FHIT: variants seen among roughly 807,000 people sequenced by gnomAD.
The protein encoded by FHIT is bis(5'-adenosyl)-triphosphatase.
Under a neutral mutation model 17.9 loss-of-function variants are expected in FHIT, and 19 were observed. The observed-to-expected ratio is 1.06, with a 90% CI of 0.74 to 1.56. FHIT has a LOEUF of 1.56. Ranked by LOEUF, FHIT falls within the 40% of genes most tolerant of loss-of-function variation. The probability of loss-of-function intolerance (pLI) is 0.00; values close to 1 mark genes in which losing one functional copy is unlikely to be tolerated. For synonymous variants in FHIT, 81 were observed against 69.7 expected (o/e 1.16, Z -0.81); for missense variants, 248 against 189.2 (o/e 1.31, Z -1.82).
chr3:60,592,851 C>T (rs941945341), intron 4 of FHIT, among the ~76,000 whole-genome samples: 31 of 152,066 alleles, frequency 2.0e-4, no homozygotes, highest in Admixed American at 1.6e-3. Context: ...GTAGAGCCTC[C>T]GTGAGATCTT....
intron 8 of FHIT, among the ~76,000 whole-genome samples, chr3:59,789,558 A>T (rs1320335805): frequency 1.3e-5 from 2 of 152,188 alleles, no homozygotes; most frequent in African/African-American, 4.8e-5. Flanking sequence ...ATTCTAATAG[A>T]ATTGAAATGG....
At chr3:60,359,225 A>C (rs1001523201) in intron 5 of FHIT, among the ~76,000 whole-genome samples, 3 of 152,120 alleles carry the variant, frequency 2.0e-5, no homozygotes, top group African/African-American at 7.2e-5. Flanking sequence ...TTGGATACAA[A>C]ACTGAGAAAA....
intron 8 of FHIT, among the ~76,000 whole-genome samples, chr3:59,829,920 C>T (rs1181445998): frequency 1.3e-5 from 2 of 151,826 alleles, no homozygotes; most frequent in South Asian, 2.1e-4. Flanking sequence ...GACCCCATAT[C>T]TACAAAAATA....
chr3:60,000,215 T>G (rs1363821235), intron 7 of FHIT, among the ~76,000 whole-genome samples: 3 of 152,304 alleles, frequency 2.0e-5, no homozygotes, highest in African/African-American at 7.2e-5. Flanking sequence ...AAGGGAATCC[T>G]ACACTCTAAA....
At chr3:60,155,233 T>G (rs1700630524) in intron 5 of FHIT, among the ~76,000 whole-genome samples, 1 of 151,654 alleles carries the variant, frequency 6.6e-6, no homozygotes. Context: ...GCATAAAGTG[T>G]GAAACAGAAA....
At chr3:59,923,581 T>C (rs530749979) in intron 7 of FHIT, among the ~76,000 whole-genome samples, 8 of 152,296 alleles carry the variant, frequency 5.3e-5, no homozygotes, top group South Asian at 4.1e-4. Context: ...TAGCCTCTAT[T>C]GTACCTCGGC....
At chr3:60,788,106 A>C (rs2142295) in intron 4 of FHIT, among the ~76,000 whole-genome samples, 8,463 of 152,294 alleles carry the variant, frequency 0.056, 251 homozygotes, top group African/African-American at 0.082. Flanking sequence ...TAAACATTTA[A>C]AAAGTTTACA....
At chr3:59,927,463 TAAA>T (rs58083993) in intron 7 of FHIT, among the ~76,000 whole-genome samples, 1 of 130,262 alleles carries the variant, frequency 7.7e-6, no homozygotes, top group Admixed American at 7.4e-5. Flanking sequence ...AGCTATTACT[TAAA>T]AAAAAAAAAA....
intron 4 of FHIT, among the ~76,000 whole-genome samples, chr3:60,811,872 T>A (rs1354451596): frequency 1.3e-5 from 2 of 152,200 alleles, no homozygotes; most frequent in Admixed American, 6.5e-5. Flanking sequence ...GAGAATATTT[T>A]CAAAATCAGC....
chr3:60,136,820 C>G (rs574298253), intron 5 of FHIT, among the ~76,000 whole-genome samples: 1 of 152,168 alleles, frequency 6.6e-6, no homozygotes, highest in African/African-American at 2.4e-5. Flanking sequence ...AAAGGAGTAT[C>G]TTTTTCTATT....
At chr3:61,219,810 T>C (rs943971189) in intron 1 of FHIT, among the ~76,000 whole-genome samples, 5 of 152,194 alleles carry the variant, frequency 3.3e-5, no homozygotes, top group Admixed American at 6.5e-5. Flanking sequence ...CTCAAGCCTC[T>C]CAATCCATGG....
intron 7 of FHIT, among the ~76,000 whole-genome samples, chr3:59,983,566 A>T (rs13070067): frequency 6.6e-6 from 1 of 152,140 alleles, no homozygotes; most frequent in Admixed American, 6.6e-5. Flanking sequence ...ATAGGAAAAA[A>T]CAGTACAAAC....
intron 5 of FHIT, among the ~76,000 whole-genome samples, chr3:60,084,792 T>G (rs1172505009): frequency 6.6e-6 from 1 of 152,194 alleles, no homozygotes; most frequent in Non-Finnish European, 1.5e-5. Flanking sequence ...GAAATTGAAA[T>G]TCAATGAAAC....
chr3:60,691,498 T>C (rs139307648), intron 4 of FHIT, among the ~76,000 whole-genome samples: 1 of 152,074 alleles, frequency 6.6e-6, no homozygotes, highest in African/African-American at 2.4e-5. Flanking sequence ...GCCTCCTAAG[T>C]AGCTGGGACT....
At chr3:60,505,114 G>T (rs79687992) in intron 5 of FHIT, among the ~76,000 whole-genome samples, 1 of 151,928 alleles carries the variant, frequency 6.6e-6, no homozygotes, top group Non-Finnish European at 1.5e-5. Context: ...TGTAAAAACA[G>T]AAAAAAACAA....
At chr3:60,285,946 G>C (rs988795443) in intron 5 of FHIT, among the ~76,000 whole-genome samples, 1 of 152,102 alleles carries the variant, frequency 6.6e-6, no homozygotes, top group East Asian at 1.9e-4. Flanking sequence ...CTCACGGCTA[G>C]CCACTCCACG....
chr3:60,888,052 A>G (rs1553759716), intron 3 of FHIT, among the ~76,000 whole-genome samples: 1 of 152,214 alleles, frequency 6.6e-6, no homozygotes, highest in Non-Finnish European at 1.5e-5. Context: ...ACAAGTTGGT[A>G]ATTAAGTCCG....
intron 4 of FHIT, among the ~76,000 whole-genome samples, chr3:60,544,749 A>G (rs1468256036): frequency 2.0e-5 from 3 of 151,760 alleles, no homozygotes; most frequent in African/African-American, 7.3e-5. Flanking sequence ...GGCACCCACC[A>G]CCACACTCAG....
intron 5 of FHIT, among the ~76,000 whole-genome samples, chr3:60,186,183 T>C (rs1156829561): frequency 1.3e-5 from 2 of 152,212 alleles, no homozygotes; most frequent in Admixed American, 6.5e-5. Flanking sequence ...CATTATGTTT[T>C]TGGTGGTGTA....
Sources: allele counts gnomAD v4.1 joint callset (sites outside exome capture counted in the v4.1 genomes callset), GRCh38; gene constraint gnomAD v4.1.1; transcripts MANE v1.5; gene names NCBI Gene and HGNC (gene_info 2026-07-23, HGNC 2026-07-21).